PPM1E: variants seen among roughly 807,000 people sequenced by gnomAD.
PPM1E encodes the protein protein phosphatase 1E.
Under a neutral mutation model 65.9 loss-of-function variants are expected in PPM1E, and 20 were observed. The observed-to-expected ratio is 0.30, with a 90% CI of 0.21 to 0.44. The LOEUF is 0.44. Ranked by LOEUF, PPM1E falls within the 20% of genes least tolerant of loss-of-function variation. The pLI, the probability that PPM1E is intolerant of heterozygous loss-of-function variation, is 1.00. For synonymous variants in PPM1E, 352 were observed against 374.9 expected, an observed-to-expected ratio of 0.94 and a Z score of 0.70; for missense variants, 713 against 953.1, an observed-to-expected ratio of 0.75 and a Z score of 3.32.
intron 2 of PPM1E, among the ~76,000 whole-genome samples, chr17:58,961,867 T>G (rs1434434822): frequency 1.3e-5 from 2 of 152,132 alleles, no homozygotes; most frequent in Non-Finnish European, 2.9e-5. Context: ...GCAGTGGCTA[T>G]TCACAGGAGC....
At chr17:58,881,996 CAAAAAAAAA>C (rs58449667) in intron 1 of PPM1E, among the ~76,000 whole-genome samples, 4 of 62,258 alleles carry the variant, frequency 6.4e-5, no homozygotes, top group African/African-American at 1.3e-4. Flanking sequence ...CCTGTCTCTA[CAAAAAAAAA>C]AAAAAAAAAA....
intron 1 of PPM1E, among the ~76,000 whole-genome samples, chr17:58,784,155 TG>T (rs1221407065): frequency 2.6e-5 from 4 of 151,930 alleles, no homozygotes; most frequent in Non-Finnish European, 5.9e-5. Context: ...CCCGAGTAGC[TG>T]GGATTACAGG....
chr17:58,971,197 T>G (rs1567894577), intron 4 of PPM1E, among the ~76,000 whole-genome samples: 1 of 152,266 alleles, frequency 6.6e-6, no homozygotes, highest in East Asian at 1.9e-4. Flanking sequence ...TGAAGTGTGT[T>G]TATCATGTGT....
At chr17:58,842,645 A>C (rs984430674) in intron 1 of PPM1E, among the ~76,000 whole-genome samples, 3 of 151,448 alleles carry the variant, frequency 2.0e-5, no homozygotes, top group Non-Finnish European at 2.9e-5. Context: ...TCTCTACTAA[A>C]AATACAAAAT....
intron 1 of PPM1E, among the ~76,000 whole-genome samples, chr17:58,849,767 TTCTGCAGATGTCTATTAGG>T (rs2050806861): frequency 1.3e-5 from 2 of 152,230 alleles, no homozygotes; most frequent in Middle Eastern, 6.8e-3. Flanking sequence ...GGGTGGAGAG[TTCTGCAGATGTCTATTAGG>T]TCTGCAGATG....
intron 1 of PPM1E, among the ~76,000 whole-genome samples, chr17:58,805,974 C>CAAAAAAAAAAAAAAAAAAAA (rs1341289870): frequency 2.7e-5 from 2 of 74,022 alleles, no homozygotes; most frequent in Non-Finnish European, 5.0e-5. Flanking sequence ...AAAAAAAAAA[C>CAAAAAAAAAAAAAAAAAAAA]AAAAAAAAAA....
At chr17:58,892,714 G>A (rs1158221203) in intron 1 of PPM1E, among the ~76,000 whole-genome samples, 1 of 152,156 alleles carries the variant, frequency 6.6e-6, no homozygotes, top group African/African-American at 2.4e-5. Flanking sequence ...AAGCATGTTA[G>A]CCAAAATATA....
chr17:58,873,821 C>T (rs1219526135), intron 1 of PPM1E, among the ~76,000 whole-genome samples: 2 of 145,892 alleles, frequency 1.4e-5, no homozygotes, highest in African/African-American at 5.1e-5. Flanking sequence ...TGGTCTTGAA[C>T]TCTGAGCTTA....
chr17:58,756,186 A>G lies in PPM1E; in HGVS notation c.189A>G (p.Val63=). ...AAGCTGAGGCGGCCGAGGCTTCGGT[A>G]GAGGAACCCGGGGAGGAGGCGGCCA... The part of the protein sequence containing the change: ...LVEAEAAEAS[V]EEPGEEAATV... Residue 63 remains valine (V), a synonymous_variant, in exon 1 of 7, where the codon GTA becomes GTG. Coordinates refer to ENST00000308249, the MANE Select transcript of PPM1E (RefSeq NM_014906.5). 1.9e-6 allele frequency: 3 copies of G among 1,567,004 alleles called. No individual in the cohort carries two copies. Among genetic ancestry groups the G allele is most frequent in the Non-Finnish European group, 2.6e-6 (3 of 1,155,652 alleles).
intron 1 of PPM1E, among the ~76,000 whole-genome samples, chr17:58,946,017 A>G (rs192551828): frequency 7.9e-4 from 121 of 152,316 alleles, no homozygotes; most frequent in African/African-American, 2.7e-3. Context: ...CCTTCCCTAG[A>G]AAATGGGAAT....
intron 2 of PPM1E, among the ~76,000 whole-genome samples, chr17:58,958,411 A>G (rs1056925228): frequency 2.6e-5 from 4 of 151,682 alleles, no homozygotes; most frequent in Admixed American, 1.3e-4. Context: ...GGGTCTCGCT[A>G]TGTTGCCTAG....
At chr17:58,978,274 T>C (rs897714435) in intron 6 of PPM1E, among the ~76,000 whole-genome samples, 3 of 152,248 alleles carry the variant, frequency 2.0e-5, no homozygotes, top group Non-Finnish European at 2.9e-5. Flanking sequence ...AATATGCCAC[T>C]GCTATACAGT....
intron 6 of PPM1E, among the ~76,000 whole-genome samples, chr17:58,975,502 A>T (rs1372170413): frequency 6.6e-6 from 1 of 152,146 alleles, no homozygotes; most frequent in Non-Finnish European, 1.5e-5. Flanking sequence ...ACAATCTAAG[A>T]GTGGATAAGG....
At chr17:58,900,939 A>T (rs557086772) in intron 1 of PPM1E, among the ~76,000 whole-genome samples, 1 of 152,284 alleles carries the variant, frequency 6.6e-6, no homozygotes, top group East Asian at 1.9e-4. Flanking sequence ...TATGTACCTT[A>T]CAACTATCCT....
At chr17:58,973,188 C>A (rs372064894) in intron 6 of PPM1E, among the ~76,000 whole-genome samples, 1 of 150,468 alleles carries the variant, frequency 6.6e-6, no homozygotes, top group African/African-American at 2.4e-5. Flanking sequence ...GAGGCCGAGG[C>A]GGGTGTATCA....
At chr17:58,899,580 AG>A (rs1212550898) in intron 1 of PPM1E, 4 of 223,220 alleles carry the variant, frequency 1.8e-5, no homozygotes, top group South Asian at 7.4e-5. Flanking sequence ...AAATTGACAG[AG>A]GGGGGAAAAC....
intron 1 of PPM1E, among the ~76,000 whole-genome samples, chr17:58,945,335 G>C: frequency 6.6e-6 from 1 of 152,090 alleles, no homozygotes; most frequent in East Asian, 1.9e-4. Flanking sequence ...TAGAGACGGG[G>C]TTTCATCATG....
At chr17:58,839,917 A>C (rs1314471002) in intron 1 of PPM1E, among the ~76,000 whole-genome samples, 1 of 152,180 alleles carries the variant, frequency 6.6e-6, no homozygotes, top group Non-Finnish European at 1.5e-5. Context: ...GAAGTTTACA[A>C]CACCACCACC....
intron 1 of PPM1E, among the ~76,000 whole-genome samples, chr17:58,864,655 TGGCTG>T (rs2050979578): frequency 6.7e-6 from 1 of 149,386 alleles, no homozygotes; most frequent in Non-Finnish European, 1.5e-5. Flanking sequence ...AAAAAAATGA[TGGCTG>T]GGCGCAGTGG....
Sources: allele counts gnomAD v4.1 joint callset (sites outside exome capture counted in the v4.1 genomes callset), GRCh38; gene constraint gnomAD v4.1.1; transcripts MANE v1.5; gene names NCBI Gene and HGNC (gene_info 2026-07-23, HGNC 2026-07-21).